MAGI2: variants seen among roughly 807,000 people sequenced by gnomAD.
MAGI2 encodes the protein membrane-associated guanylate kinase, WW and PDZ domain-containing protein 2.
A neutral mutation model predicts 133.3 loss-of-function variants in MAGI2; 35 were observed. That is an observed-to-expected ratio of 0.26 (90% CI 0.20 to 0.35). The LOEUF (loss-of-function observed/expected upper bound fraction) is 0.35, where lower values mean the gene tolerates loss of function less well. MAGI2 is among the 10% of genes least tolerant of loss of function. The pLI, the probability that MAGI2 is intolerant of heterozygous loss-of-function variation, is 1.00. For missense variants in MAGI2, 1,636 were observed against 1,863.4 expected (o/e 0.88, Z 2.25); for synonymous variants, 729 against 710.6 (o/e 1.03, Z -0.41).
At chr7:79,005,291 C>T (rs1053922410) in intron 2 of MAGI2, among the ~76,000 whole-genome samples, 6 of 152,048 alleles carry the variant, frequency 3.9e-5, no homozygotes, top group African/African-American at 1.4e-4. Context: ...ATTGTTTCAT[C>T]GTGATATTCA....
At chr7:78,553,937 C>T (rs1392988485) in intron 3 of MAGI2, among the ~76,000 whole-genome samples, 1 of 151,998 alleles carries the variant, frequency 6.6e-6, no homozygotes, top group Non-Finnish European at 1.5e-5. Context: ...GGGTGAAGGC[C>T]CAACCTGAGT....
At chr7:78,155,232 C>T (rs1824273023) in intron 16 of MAGI2, among the ~76,000 whole-genome samples, 1 of 152,060 alleles carries the variant, frequency 6.6e-6, no homozygotes, top group African/African-American at 2.4e-5. Context: ...CCCTTGGGCC[C>T]AATGTTAAGG....
chr7:79,168,153 G>A lies in MAGI2; in HGVS notation c.302-160947C>T, dbSNP rs1007651448. On this transcript the variant is annotated intron_variant, in intron 1 of 21. Coordinates refer to ENST00000354212, the MANE Select transcript of MAGI2 (RefSeq NM_012301.4). The stretch of plus-strand genomic sequence containing the variant: ...ATATGTGGGTAAATCTCTGTTCGGG[G>A]CTCTCAGCTCTGAAGGCTGTGAGAC... Among the ~76,000 whole-genome samples the A allele has an allele frequency of 3.3e-5, 5 of 151,898 alleles. No individual in the cohort carries two copies. The East Asian group carries it at 5.8e-4, about 18-fold the overall frequency.
At chr7:78,090,301 T>C (rs1480779767) in intron 20 of MAGI2, among the ~76,000 whole-genome samples, 1 of 152,266 alleles carries the variant, frequency 6.6e-6, no homozygotes, top group Non-Finnish European at 1.5e-5. Flanking sequence ...TTTCTGAACC[T>C]ACTCAATTAT....
At chr7:79,170,056 T>A (rs1825361138) in intron 1 of MAGI2, among the ~76,000 whole-genome samples, 1 of 150,924 alleles carries the variant, frequency 6.6e-6, no homozygotes, top group Admixed American at 6.6e-5. Flanking sequence ...AAAATCCAGA[T>A]GACCATAGTA....
intron 16 of MAGI2, among the ~76,000 whole-genome samples, chr7:78,150,389 AAG>A (rs1823754101): frequency 6.6e-6 from 1 of 152,206 alleles, no homozygotes. Flanking sequence ...GTTGGGAAGA[AAG>A]AGAAAAATAA....
chr7:78,334,308 T>C lies in MAGI2; in HGVS notation c.1408+9470A>G, dbSNP rs139563826. Among the ~76,000 whole-genome samples the C allele has an allele frequency of 2.2e-4, 33 of 152,244 alleles. No individual in the cohort carries two copies. The East Asian group carries it at 6.4e-3, about 29-fold the overall frequency. On this transcript the variant is annotated intron_variant, in intron 9 of 21. Transcript: ENST00000354212. ...TCATCGGAGAGCAGGCCCATCACCA[T>C]GCACATGGACCTCAGGTTAATCCTC...
At chr7:79,272,997 A>G (rs1834984780) in intron 1 of MAGI2, among the ~76,000 whole-genome samples, 1 of 152,066 alleles carries the variant, frequency 6.6e-6, no homozygotes, top group African/African-American at 2.4e-5. Context: ...TCTCTCTATT[A>G]AAGTTCTTTT....
At chr7:79,171,806 A>C (rs6466537) in intron 1 of MAGI2, among the ~76,000 whole-genome samples, 87,058 of 114,722 alleles carry the variant, frequency 0.76, 33,959 homozygotes, top group Non-Finnish European at 0.85. Context: ...GGTCTCCAAA[A>C]TACTACCTAA....
intron 2 of MAGI2, among the ~76,000 whole-genome samples, chr7:78,863,623 G>A (rs1160534179): frequency 6.6e-6 from 1 of 152,130 alleles, no homozygotes; most frequent in African/African-American, 2.4e-5. Flanking sequence ...GACAACTAGG[G>A]GTACAAACAT....
chr7:78,134,954 C>T, intron 17 of MAGI2, 67 bp downstream of exon 17: 1 of 1,446,306 alleles, frequency 6.9e-7, no homozygotes, highest in Non-Finnish European at 9.6e-7. Context: ...GGCGGGCAGG[C>T]TGAGAACACC....
chr7:78,646,128 C>T (rs1810866851), intron 2 of MAGI2, among the ~76,000 whole-genome samples: 1 of 151,974 alleles, frequency 6.6e-6, no homozygotes, highest in Non-Finnish European at 1.5e-5. Context: ...AAAATAGGGT[C>T]AAGGAGGGAA....
chr7:78,409,831 A>C (rs1797709278), intron 6 of MAGI2, among the ~76,000 whole-genome samples: 1 of 152,104 alleles, frequency 6.6e-6, no homozygotes, highest in Non-Finnish European at 1.5e-5. Context: ...ATTCCTAATA[A>C]AAGAACTAAA....
chr7:79,170,392 T>A (rs1825413555), intron 1 of MAGI2, among the ~76,000 whole-genome samples: 1 of 151,990 alleles, frequency 6.6e-6, no homozygotes, highest in Admixed American at 6.6e-5. Context: ...CCCAAGTTGG[T>A]CTCAAACTTC....
intron 2 of MAGI2, among the ~76,000 whole-genome samples, chr7:78,680,102 A>AT (rs1815486436): frequency 1.3e-5 from 2 of 152,278 alleles, no homozygotes; most frequent in Middle Eastern, 3.4e-3. Context: ...ATTTGATTGC[A>AT]TTTTTTAGCC....
At chr7:79,220,642 C>T (rs1215031583) in intron 1 of MAGI2, among the ~76,000 whole-genome samples, 1 of 152,024 alleles carries the variant, frequency 6.6e-6, no homozygotes, top group African/African-American at 2.4e-5. Flanking sequence ...AGAGCTAATG[C>T]TCGGGGGCTA....
intron 3 of MAGI2, among the ~76,000 whole-genome samples, chr7:78,549,088 CA>C (rs1584588652): frequency 1.3e-5 from 2 of 152,252 alleles, no homozygotes; most frequent in East Asian, 3.9e-4. Context: ...TCATGTCTTA[CA>C]AAAGTAGGTT....
intron 2 of MAGI2, among the ~76,000 whole-genome samples, chr7:78,803,742 C>A (rs1034564845): frequency 6.6e-6 from 1 of 151,618 alleles, no homozygotes; most frequent in African/African-American, 2.4e-5. Context: ...TAAATTCAAC[C>A]CAAGTGAAAA....
intron 2 of MAGI2, among the ~76,000 whole-genome samples, chr7:78,684,038 G>C (rs537158048): frequency 1.3e-5 from 2 of 152,150 alleles, no homozygotes; most frequent in Non-Finnish European, 2.9e-5. Context: ...CTCTAATCAC[G>C]TAAGGTTGTT....
Sources: allele counts gnomAD v4.1 joint callset (sites outside exome capture counted in the v4.1 genomes callset), GRCh38; gene constraint gnomAD v4.1.1; transcripts MANE v1.5; gene names NCBI Gene and HGNC (gene_info 2026-07-23, HGNC 2026-07-21).